The following CYP2C18 variants were observed in gnomAD, a reference collection of about 807,000 sequenced individuals.
CYP2C18 encodes cytochrome P450 family 2 subfamily C member 18.
CYP2C18 carries 38 observed loss-of-function variants against 41.3 expected under a neutral mutation model. The observed-to-expected ratio is 0.92, with a 90% CI of 0.71 to 1.21. The LOEUF is 1.21. CYP2C18 is among the 50% of genes most tolerant of loss of function. The pLI is 0.00. For synonymous variants in CYP2C18, 236 were observed against 210.0 expected (o/e 1.12, Z -1.07); for missense variants, 635 against 591.4 (o/e 1.07, Z -0.77).
At chr10:94,691,489 G>A (rs1248460762) in intron 3 of CYP2C18, among the ~76,000 whole-genome samples, 1 of 152,080 alleles carries the variant, frequency 6.6e-6, no homozygotes, top group Non-Finnish European at 1.5e-5. Flanking sequence ...CCTCTTCAAG[G>A]AGAACTACAA....
intron 3 of CYP2C18, among the ~76,000 whole-genome samples, chr10:94,692,029 T>G (rs1355159901): frequency 6.6e-6 from 1 of 152,130 alleles, no homozygotes; most frequent in Non-Finnish European, 1.5e-5. Context: ...TAATTCAAGA[T>G]GGATTAAAGA....
At chr10:94,715,191 C>T (rs1847517047) in intron 5 of CYP2C18, among the ~76,000 whole-genome samples, 1 of 152,156 alleles carries the variant, frequency 6.6e-6, no homozygotes, top group South Asian at 2.1e-4. Context: ...TGCCTGATTA[C>T]TCTGGCCAGA....
intron 7 of CYP2C18, among the ~76,000 whole-genome samples, chr10:94,730,811 G>C (rs1431464445): frequency 1.3e-5 from 2 of 152,080 alleles, no homozygotes; most frequent in Admixed American, 1.3e-4. Flanking sequence ...CTCTGGAAGG[G>C]ATAAATGACC....
rs1846829451 is a variant in CYP2C18 at position 94,683,792 on chromosome 10, G to A, written c.-28G>A. The stretch of plus-strand genomic sequence containing the variant: ...AAAAGCCTTGAAGTGAAAGCCCGCA[G>A]TTGTCTTACTAAGAAGAGAAGCCTT... On this transcript the variant is annotated 5_prime_UTR_variant, in exon 1 of 9. Transcript: ENST00000285979. The A allele has an allele frequency of 6.5e-7, 1 of 1,546,256 alleles. No individual in the cohort carries two copies. Among genetic ancestry groups the A allele is most frequent in the Non-Finnish European group, 8.7e-7 (1 of 1,146,048 alleles).
chr10:94,687,619 C>A, intron 1 of CYP2C18, 151 bp from the exon 2 acceptor site: 2 of 781,304 alleles, frequency 2.6e-6, no homozygotes, highest in Non-Finnish European at 4.1e-6. Context: ...CAATAATCAT[C>A]ATCTTTGTCT....
chr10:94,692,167 G>T (rs943040914), intron 3 of CYP2C18, among the ~76,000 whole-genome samples: 18 of 152,198 alleles, frequency 1.2e-4, no homozygotes, highest in South Asian at 1.0e-3. Flanking sequence ...AGCCAAAATT[G>T]ACAAATGGGA....
intron 5 of CYP2C18, among the ~76,000 whole-genome samples, chr10:94,718,053 A>T (rs1386314422): frequency 6.6e-6 from 1 of 152,024 alleles, no homozygotes; most frequent in East Asian, 1.9e-4. Context: ...GATAGTATGG[A>T]CATTTTAACA....
chr10:94,734,902 A>T (rs1170773512), intron 8 of CYP2C18, among the ~76,000 whole-genome samples: 2 of 152,174 alleles, frequency 1.3e-5, no homozygotes, highest in African/African-American at 4.8e-5. Context: ...AGGGGAACAC[A>T]CTATATGAGC....
chr10:94,686,127 A>T (rs1846883100), intron 1 of CYP2C18, among the ~76,000 whole-genome samples: 1 of 151,962 alleles, frequency 6.6e-6, no homozygotes, highest in African/African-American at 2.4e-5. Context: ...AAATTTATTC[A>T]TAAGTATTTT....
intron 4 of CYP2C18, among the ~76,000 whole-genome samples, chr10:94,698,590 C>G (rs964141337): frequency 6.6e-6 from 1 of 152,082 alleles, no homozygotes; most frequent in South Asian, 2.1e-4. Context: ...CAAGAGCAAA[C>G]ACATTCAAAA....
intron 2 of CYP2C18, 60 bp from the exon 3 acceptor site, chr10:94,688,065 G>T: frequency 1.2e-6 from 2 of 1,610,238 alleles, no homozygotes; most frequent in Non-Finnish European, 8.5e-7. Context: ...GCTGCCGAGT[G>T]TCAGCTCTCT....
intron 4 of CYP2C18, among the ~76,000 whole-genome samples, chr10:94,698,696 G>GT (rs1271084073): frequency 7.9e-5 from 12 of 151,976 alleles, no homozygotes; most frequent in Admixed American, 3.3e-4. Flanking sequence ...CCAGGAGCTG[G>GT]TTTTTTTAAA....
intron 4 of CYP2C18, among the ~76,000 whole-genome samples, chr10:94,696,940 A>G (rs1847129381): frequency 6.6e-6 from 1 of 152,226 alleles, no homozygotes; most frequent in African/African-American, 2.4e-5. Flanking sequence ...AAAAAGAATA[A>G]GAAGAAATGA....
intron 1 of CYP2C18, among the ~76,000 whole-genome samples, chr10:94,686,107 T>G (rs1256762010): frequency 6.6e-6 from 1 of 152,126 alleles, no homozygotes; most frequent in African/African-American, 2.4e-5. Flanking sequence ...GATCTTTCTC[T>G]TCCTTGATTA....
In CYP2C18 at chr10:94,712,008, A is replaced by ATTTTTTTTT. The variant is rs35672164; in HGVS notation, c.819+5060_819+5068dup. On this transcript the variant is annotated intron_variant, in intron 5 of 8. Coordinates refer to ENST00000285979, the MANE Select transcript of CYP2C18 (RefSeq NM_000772.3). Reference sequence around the variant, plus strand: ...AGGTGCATGCCACCATGCCCAACTAATTTTTTTTTTTTTTTTTTTTGTAGA... The same window carrying ATTTTTTTTT: ...AGGTGCATGCCACCATGCCCAACTAATTTTTTTTTTTTTTTTTTTTTTTTTTTTTGTAGA... 9.4e-4 allele frequency among the ~76,000 whole-genome samples: 92 copies of ATTTTTTTTT among 97,858 alleles called. 3 individuals are homozygous for ATTTTTTTTT. The highest frequency in any genetic ancestry group is 5.6e-3 in the East Asian group (16 of 2,848). 64.2% of individuals were successfully genotyped at this position (97,858 alleles called of 152,430 possible). A position where few individuals can be genotyped will look rare whatever the true frequency, so the allele number is the denominator to read the frequency against.
chr10:94,686,870 T>C (rs1374154824), intron 1 of CYP2C18, among the ~76,000 whole-genome samples: 1 of 152,102 alleles, frequency 6.6e-6, no homozygotes, highest in East Asian at 1.9e-4. Flanking sequence ...TGAAGGAAAA[T>C]GGTAGTGGAA....
chr10:94,708,353 A>T (rs1055791224), intron 5 of CYP2C18, among the ~76,000 whole-genome samples: 1 of 152,158 alleles, frequency 6.6e-6, no homozygotes, highest in African/African-American at 2.4e-5. Context: ...TAAAATATGG[A>T]CACTGCCAGA....
chr10:94,731,361 C>G (rs915367831), intron 7 of CYP2C18, among the ~76,000 whole-genome samples: 3 of 150,676 alleles, frequency 2.0e-5, no homozygotes, highest in African/African-American at 7.3e-5. Flanking sequence ...GGCTGGGTGA[C>G]AGAGTGAGAC....
chr10:94,718,930 A>G (rs1231337655), intron 5 of CYP2C18, among the ~76,000 whole-genome samples: 1 of 152,070 alleles, frequency 6.6e-6, no homozygotes, highest in Non-Finnish European at 1.5e-5. Flanking sequence ...TTCATTCTCA[A>G]TTGTATGGTG....
Sources: allele counts gnomAD v4.1 joint callset (sites outside exome capture counted in the v4.1 genomes callset), GRCh38; gene constraint gnomAD v4.1.1; transcripts MANE v1.5; gene names NCBI Gene and HGNC (gene_info 2026-07-23, HGNC 2026-07-21).